Variants in TTC39C observed in about 807,000 individuals in gnomAD.
The protein encoded by TTC39C is tetratricopeptide repeat domain 39C, also known as tetratricopeptide repeat protein 39C.
A neutral mutation model predicts 76.3 loss-of-function variants in TTC39C; 33 were observed. The observed-to-expected ratio is 0.43, with a 90% CI of 0.33 to 0.58. The LOEUF (loss-of-function observed/expected upper bound fraction) is 0.58, where lower values mean the gene tolerates loss of function less well. Among genes scored for constraint, TTC39C ranks in the 20% least tolerant of loss-of-function variants. The pLI, the probability that TTC39C is intolerant of heterozygous loss-of-function variation, is 0.04. For missense variants in TTC39C, 595 were observed against 701.4 expected (o/e 0.85, Z 1.71); for synonymous variants, 254 against 260.6 (o/e 0.97, Z 0.24).
intron 6 of TTC39C, among the ~76,000 whole-genome samples, chr18:24,087,012 AG>A (rs755119361): frequency 5.3e-5 from 8 of 152,004 alleles, no homozygotes; most frequent in Non-Finnish European, 1.2e-4. Context: ...TTATGGGTGT[AG>A]CTATAGGAGA....
intron 1 of TTC39C, among the ~76,000 whole-genome samples, chr18:23,995,111 TCTA>T (rs1376373218): frequency 2.6e-5 from 4 of 152,290 alleles, no homozygotes; most frequent in Non-Finnish European, 1.5e-5. Context: ...CTGCCTTCTC[TCTA>T]CTATCCCTAA....
intron 1 of TTC39C, chr18:24,022,437 C>A: frequency 2.9e-6 from 1 of 341,118 alleles, no homozygotes; most frequent in Non-Finnish European, 4.1e-6. Context: ...TGTGAAGTGG[C>A]CCAACTCGGG....
Position 24,133,847 on chromosome 18 carries a change from AG to A in TTC39C, c.*1275del. On this transcript the variant is annotated 3_prime_UTR_variant, in exon 14 of 14. Coordinates refer to ENST00000317571, the MANE Select transcript of TTC39C (RefSeq NM_001135993.2). ...TTTAAAGAAATTTTTATTGAGCTAA[AG>A]GATATCATTTTAGGGTATCGTTTAT... 1 of 152,340 alleles carries A rather than the reference AG, an allele frequency of 6.6e-6. No homozygotes were observed. The highest frequency in any genetic ancestry group is 2.1e-4 in the South Asian group (1 of 4,832). 9.4% of individuals were successfully genotyped at this position (152,340 alleles called of 1,614,324 possible).
At chr18:24,004,658 A>G (rs890675450) in intron 1 of TTC39C, among the ~76,000 whole-genome samples, 38 of 152,186 alleles carry the variant, frequency 2.5e-4, no homozygotes, top group African/African-American at 7.5e-4. Flanking sequence ...AGGTTAAAAT[A>G]TGCACCTTTA....
rs1264881732 is a variant in TTC39C at position 24,133,904 on chromosome 18, CAT to C, written c.*1333_*1334del. 9.2e-5 allele frequency: 14 copies of C among 151,920 alleles called. 1 individual carries two copies. The highest frequency in any genetic ancestry group is 7.7e-4 in the East Asian group (4 of 5,174). 9.4% of individuals were successfully genotyped at this position (151,920 alleles called of 1,614,324 possible). A position where few individuals can be genotyped will look rare whatever the true frequency, so the allele number is the denominator to read the frequency against. ...AATTCTTTTGGCTGAAACATGATCT[CAT>C]ATTAATATTTTAATATTTCTTTTCA... On this transcript the variant is annotated 3_prime_UTR_variant, in exon 14 of 14. Coordinates refer to ENST00000317571, the MANE Select transcript of TTC39C (RefSeq NM_001135993.2).
At chr18:24,082,590 G>A (rs1258182198) in intron 5 of TTC39C, among the ~76,000 whole-genome samples, 1 of 152,160 alleles carries the variant, frequency 6.6e-6, no homozygotes, top group East Asian at 1.9e-4. Context: ...GCATTAATGA[G>A]TAAAGTGTAG....
intron 1 of TTC39C, among the ~76,000 whole-genome samples, chr18:24,061,240 A>T (rs77462340): frequency 0.063 from 8,335 of 131,640 alleles, 283 homozygotes; most frequent in African/African-American, 0.13. Flanking sequence ...TTTTTTTTTT[A>T]AAAAAATAGG....
chr18:24,024,430 C>T (rs763266440), intron 1 of TTC39C, among the ~76,000 whole-genome samples: 50 of 151,964 alleles, frequency 3.3e-4, no homozygotes, highest in Non-Finnish European at 4.4e-5. Flanking sequence ...GGTGAGAAGG[C>T]GCTGCAGAGG....
intron 1 of TTC39C, among the ~76,000 whole-genome samples, chr18:23,999,934 A>G (rs981483461): frequency 3.9e-5 from 6 of 152,210 alleles, no homozygotes; most frequent in Non-Finnish European, 8.8e-5. Context: ...TAAACCAAAA[A>G]AGAATTTATT....
At chr18:24,091,558 T>G (rs2084516788) in intron 6 of TTC39C, among the ~76,000 whole-genome samples, 1 of 152,172 alleles carries the variant, frequency 6.6e-6, no homozygotes, top group African/African-American at 2.4e-5. Context: ...TGTAGAACCC[T>G]TGGGTTAGGC....
intron 13 of TTC39C, among the ~76,000 whole-genome samples, chr18:24,132,140 A>C (rs911983308): frequency 1.3e-5 from 2 of 152,168 alleles, no homozygotes; most frequent in Admixed American, 6.5e-5. Context: ...CTTTAGAAAC[A>C]CTCTTAGTCT....
rs539264679 is a variant in TTC39C at position 24,079,134 on chromosome 18, G to T, written c.461-1451G>T. ...TCATGTTGTCCATTTGTACATGAGG[G>T]TCAGAGTTGGTATCATATTAATAAC... On this transcript the variant is annotated intron_variant, in intron 4 of 13. Coordinates refer to ENST00000317571, the MANE Select transcript of TTC39C (RefSeq NM_001135993.2). Among the ~76,000 whole-genome samples the T allele has an allele frequency of 8.5e-5, 13 of 152,274 alleles. No homozygotes were observed. The East Asian group carries it at 2.3e-3, about 27-fold the overall frequency.
chr18:24,081,593 C>T (rs900757162), intron 5 of TTC39C, among the ~76,000 whole-genome samples: 3 of 152,026 alleles, frequency 2.0e-5, no homozygotes, highest in African/African-American at 4.8e-5. Context: ...AACACGATTC[C>T]GGATATTCTT....
At chr18:24,031,244 C>G (rs1021488498) in intron 1 of TTC39C, among the ~76,000 whole-genome samples, 1 of 147,490 alleles carries the variant, frequency 6.8e-6, no homozygotes, top group Non-Finnish European at 1.5e-5. Flanking sequence ...AGGCGTGAGC[C>G]ACTGCGCCTG....
intron 8 of TTC39C, among the ~76,000 whole-genome samples, 185 bp downstream of exon 8, chr18:24,118,417 T>C (rs2084923184): frequency 6.6e-6 from 1 of 152,212 alleles, no homozygotes; most frequent in East Asian, 1.9e-4. Context: ...CTGACCCAGG[T>C]GAACACCCAG....
At chr18:24,125,318 G>T in intron 9 of TTC39C, 109 bp from the exon 10 acceptor site, 1 of 1,342,922 alleles carries the variant, frequency 7.4e-7, no homozygotes, top group East Asian at 2.4e-5. Context: ...TTGAAGGAGA[G>T]GGTCATTCAC....
chr18:24,037,564 C>T (rs970044998), intron 1 of TTC39C, among the ~76,000 whole-genome samples: 4 of 152,142 alleles, frequency 2.6e-5, no homozygotes, highest in African/African-American at 9.7e-5. Context: ...GTTGCAGAGT[C>T]TCAGATAGAC....
At chr18:24,028,744 A>G (rs1444956887) in intron 1 of TTC39C, among the ~76,000 whole-genome samples, 1 of 152,180 alleles carries the variant, frequency 6.6e-6, no homozygotes, top group Non-Finnish European at 1.5e-5. Context: ...ATTTTTTGAG[A>G]TGGAGTCTTG....
intron 1 of TTC39C, among the ~76,000 whole-genome samples, chr18:24,003,064 G>A (rs150723485): frequency 1.1e-3 from 160 of 152,218 alleles, no homozygotes; most frequent in Middle Eastern, 6.8e-3. Flanking sequence ...TCCAGGTAAG[G>A]CACAGAGAGC....
Sources: gnomAD v4.1 joint callset for allele counts (sites outside exome capture counted in the v4.1 genomes callset) on GRCh38, gnomAD v4.1.1 for gene constraint, MANE v1.5 for transcripts, NCBI Gene and HGNC (gene_info 2026-07-23, HGNC 2026-07-21) for gene names.